AUTS2: variants seen among roughly 807,000 people sequenced by gnomAD.
AUTS2 encodes autism susceptibility gene 2 protein.
Under a neutral mutation model 112.4 loss-of-function variants are expected in AUTS2, and 17 were observed. The ratio of observed to expected loss-of-function variants is 0.15; its 90% CI spans 0.10 to 0.23. The LOEUF (loss-of-function observed/expected upper bound fraction) is 0.23. Among genes scored for constraint, AUTS2 ranks in the 10% least tolerant of loss-of-function variants. The pLI, the probability that AUTS2 is intolerant of heterozygous loss-of-function variation, is 1.00. For missense variants in AUTS2, 1,510 were observed against 1,701.6 expected, an observed-to-expected ratio of 0.89 and a Z score of 1.98; for synonymous variants, 751 against 702.7, an observed-to-expected ratio of 1.07 and a Z score of -1.09.
intron 5 of AUTS2, among the ~76,000 whole-genome samples, chr7:70,679,483 G>T (rs1174097306): frequency 6.6e-6 from 1 of 151,972 alleles, no homozygotes; most frequent in Non-Finnish European, 1.5e-5. Flanking sequence ...AAATTCTGGG[G>T]TTTTAAATCC....
intron 5 of AUTS2, among the ~76,000 whole-genome samples, chr7:70,550,672 T>C (rs1386415551): frequency 2.0e-5 from 3 of 152,200 alleles, no homozygotes; most frequent in Non-Finnish European, 4.4e-5. Flanking sequence ...ATGCATGTGG[T>C]AATGGGTTAG....
At position 70,763,079 on chromosome 7, in the gene AUTS2, C is replaced by T; in HGVS notation, c.952C>T (p.Pro318Ser). 6.2e-7 allele frequency: 1 copy of T among 1,614,170 alleles called. No homozygotes were observed. The highest frequency in any genetic ancestry group is 8.5e-7 in the Non-Finnish European group (1 of 1,180,038). The change falls in exon 7 of 19, where the codon CCT becomes TCT. Residue 318 changes from proline to serine, a missense_variant. Transcript: ENST00000342771. ...QPQTEPQLRA[P>S]SPDPDLVQRT... ...GCAGACGGAGCCCCAACTCCGAGCT[C>T]CTTCTCCGGACCCTGACTTGGTGCA...
intron 9 of AUTS2, among the ~76,000 whole-genome samples, chr7:70,767,741 T>G (rs1353856475): frequency 6.6e-6 from 1 of 152,216 alleles, no homozygotes; most frequent in African/African-American, 2.4e-5. Flanking sequence ...CTCTCCTGTT[T>G]AGAGGTTTGG....
At chr7:70,557,039 C>CATTGGTGTAGTTTTCATTAAGTCAA in intron 5 of AUTS2, among the ~76,000 whole-genome samples, 1 of 152,132 alleles carries the variant, frequency 6.6e-6, no homozygotes, top group Non-Finnish European at 1.5e-5. Context: ...CCACTGTGGC[C>CATTGGTGTAGTTTTCATTAAGTCAA]ATTGGTGTAG....
At chr7:70,349,244 A>G (rs1791642791) in intron 4 of AUTS2, among the ~76,000 whole-genome samples, 1 of 152,234 alleles carries the variant, frequency 6.6e-6, no homozygotes, top group Non-Finnish European at 1.5e-5. Context: ...GTGACGTGCG[A>G]CTTAGAGCAG....
chr7:70,462,291 GA>G, intron 5 of AUTS2, among the ~76,000 whole-genome samples: 1 of 152,152 alleles, frequency 6.6e-6, no homozygotes, highest in African/African-American at 2.4e-5. Context: ...AAATAAAGTG[GA>G]TAGGGGTTGA....
intron 2 of AUTS2, among the ~76,000 whole-genome samples, chr7:69,943,885 T>C (rs1432408668): frequency 6.6e-6 from 1 of 152,196 alleles, no homozygotes; most frequent in Admixed American, 6.5e-5. Flanking sequence ...TGGTACTCAC[T>C]GTGGGAGGAA....
chr7:69,989,867 T>C (rs747588339), intron 2 of AUTS2, among the ~76,000 whole-genome samples: 5 of 152,056 alleles, frequency 3.3e-5, no homozygotes, highest in Non-Finnish European at 7.4e-5. Context: ...TAGACTCTCA[T>C]AGGAGTGCTA....
intron 2 of AUTS2, among the ~76,000 whole-genome samples, chr7:70,048,188 T>G (rs1286351105): frequency 6.6e-6 from 1 of 152,212 alleles, no homozygotes; most frequent in Admixed American, 6.5e-5. Context: ...TTACAAAAGT[T>G]AATGCTGTTC....
chr7:69,944,092 T>G (rs1292034092), intron 2 of AUTS2, among the ~76,000 whole-genome samples: 1 of 152,154 alleles, frequency 6.6e-6, no homozygotes, highest in Non-Finnish European at 1.5e-5. Flanking sequence ...CAGAGTTAGT[T>G]AATGGAAGTG....
At position 69,902,134 on chromosome 7, in the gene AUTS2, G is replaced by C. The variant is rs571801919; in HGVS notation, c.522+2636G>C. 5.1e-4 allele frequency among the ~76,000 whole-genome samples: 77 copies of C among 152,080 alleles called. 1 individual carries two copies. The Middle Eastern group carries it at 0.014, about 27-fold the overall frequency. On this transcript the variant is annotated intron_variant, in intron 2 of 18. Coordinates refer to ENST00000342771, the MANE Select transcript of AUTS2 (RefSeq NM_015570.4). Reference sequence around the variant, plus strand: ...GAAGACATTTAAAGGAGAAGGGTAAGATGCATTTATAGTAGGAGGGAGGGG... The same window carrying C: ...GAAGACATTTAAAGGAGAAGGGTAACATGCATTTATAGTAGGAGGGAGGGG...
chr7:70,512,127 C>A (rs1799219656), intron 5 of AUTS2, among the ~76,000 whole-genome samples: 1 of 152,142 alleles, frequency 6.6e-6, no homozygotes, highest in African/African-American at 2.4e-5. Context: ...GAATATGGGT[C>A]CCCACGTTGA....
chr7:70,248,119 C>G (rs1037621384), intron 4 of AUTS2, among the ~76,000 whole-genome samples: 2 of 152,154 alleles, frequency 1.3e-5, no homozygotes, highest in African/African-American at 4.8e-5. Flanking sequence ...ATTCAGTTTG[C>G]TGACATTTTA....
At chr7:69,618,482 A>G (rs1793492949) in intron 1 of AUTS2, among the ~76,000 whole-genome samples, 1 of 152,146 alleles carries the variant, frequency 6.6e-6, no homozygotes, top group Non-Finnish European at 1.5e-5. Flanking sequence ...TACGGAATAC[A>G]GGCCAGTGTT....
chr7:70,263,040 A>C (rs185364626), intron 4 of AUTS2, among the ~76,000 whole-genome samples: 1 of 152,178 alleles, frequency 6.6e-6, no homozygotes, highest in Non-Finnish European at 1.5e-5. Context: ...GTGTATTTGC[A>C]TAAATGTTAC....
At chr7:70,214,351 A>C (rs931451363) in intron 4 of AUTS2, among the ~76,000 whole-genome samples, 6 of 152,248 alleles carry the variant, frequency 3.9e-5, no homozygotes, top group Non-Finnish European at 8.8e-5. Flanking sequence ...CTTGCACTGC[A>C]ACATTCCACT....
intron 4 of AUTS2, among the ~76,000 whole-genome samples, chr7:70,270,890 G>A (rs990143724): frequency 2.0e-5 from 3 of 152,102 alleles, no homozygotes; most frequent in Admixed American, 2.0e-4. Context: ...AAAGAGATGG[G>A]AGCAAAGCTG....
intron 4 of AUTS2, among the ~76,000 whole-genome samples, chr7:70,288,494 C>G (rs764291074): frequency 7.9e-5 from 12 of 152,190 alleles, no homozygotes; most frequent in Non-Finnish European, 1.3e-4. Flanking sequence ...TTCATTTACC[C>G]GCTCTATGCA....
intron 2 of AUTS2, among the ~76,000 whole-genome samples, chr7:69,908,483 CA>C (rs1049314952): frequency 1.5e-4 from 23 of 152,332 alleles, no homozygotes; most frequent in African/African-American, 5.5e-4. Context: ...AAGACACACA[CA>C]GGAGCAGAAA....
Sources: allele counts gnomAD v4.1 joint callset (sites outside exome capture counted in the v4.1 genomes callset), GRCh38; gene constraint gnomAD v4.1.1; transcripts MANE v1.5; gene names NCBI Gene and HGNC (gene_info 2026-07-23, HGNC 2026-07-21).